Variants in UGT1A8 observed in about 807,000 individuals in gnomAD.
UGT1A8 encodes the protein UDP-glucuronosyltransferase 1A8.
In UGT1A8, 39 loss-of-function variants were observed where a neutral mutation model predicts 45.3. That is an observed-to-expected ratio of 0.86 (90% confidence interval 0.67 to 1.12). The LOEUF (loss-of-function observed/expected upper bound fraction) is 1.12, where lower values mean the gene tolerates loss of function less well. UGT1A8 is among the 50% of genes most tolerant of loss of function. The pLI, the probability that UGT1A8 is intolerant of heterozygous loss-of-function variation, is 0.00. For synonymous variants in UGT1A8, 275 were observed against 249.2 expected, an observed-to-expected ratio of 1.10 and a Z score of -0.97; for missense variants, 719 against 664.9, an observed-to-expected ratio of 1.08 and a Z score of -0.90.
chr2:233,690,803 T>G, intron 1 of UGT1A8: 2 of 1,096,684 alleles, frequency 1.8e-6, no homozygotes, highest in East Asian at 7.6e-5. Context: ...ACACACACCA[T>G]TCTTAGTACA....
At position 233,639,433 on chromosome 2, in the gene UGT1A8, C is replaced by T. The variant is rs868578267; in HGVS notation, c.855+20871C>T. 6.6e-5 allele frequency among the ~76,000 whole-genome samples: 10 copies of T among 152,140 alleles called. No individual in the cohort carries two copies. The South Asian group carries it at 8.3e-4, about 13-fold the overall frequency. On this transcript the variant is annotated intron_variant, in intron 1 of 4. Coordinates refer to ENST00000373450, the MANE Select transcript of UGT1A8 (RefSeq NM_019076.5). ...TAAAAGTAAATTGTCATCAAAAGAA[C>T]GATGAACACTGCATATTGCTCTTTC...
chr2:233,633,431 A>C (rs567567334), intron 1 of UGT1A8, among the ~76,000 whole-genome samples: 2 of 152,298 alleles, frequency 1.3e-5, no homozygotes, highest in African/African-American at 4.8e-5. Context: ...CTGTGAACTC[A>C]TCTGGTCCTG....
At chr2:233,630,201 C>G (rs1236960142) in intron 1 of UGT1A8, among the ~76,000 whole-genome samples, 4 of 152,010 alleles carry the variant, frequency 2.6e-5, no homozygotes, top group Admixed American at 6.6e-5. Flanking sequence ...AGATCACTGA[C>G]CATCATGTTT....
At chr2:233,744,499 T>C (rs751170063) in intron 1 of UGT1A8, among the ~76,000 whole-genome samples, 33 of 151,936 alleles carry the variant, frequency 2.2e-4, no homozygotes, top group Non-Finnish European at 4.0e-4. Context: ...TTAGTAAGAA[T>C]AAACCCATGA....
At chr2:233,618,726 A>C (rs779143079) in intron 1 of UGT1A8, among the ~76,000 whole-genome samples, 164 bp downstream of exon 1, 1 of 152,204 alleles carries the variant, frequency 6.6e-6, no homozygotes, top group Non-Finnish European at 1.5e-5. Context: ...CAGTTATCAA[A>C]TTTTATAAAA....
chr2:233,622,592 AT>A (rs1002907243), intron 1 of UGT1A8, among the ~76,000 whole-genome samples: 1 of 151,994 alleles, frequency 6.6e-6, no homozygotes, highest in Non-Finnish European at 1.5e-5. Context: ...ATTCTTGTAA[AT>A]TTTTTTGAGT....
chr2:233,621,107 A>G (rs2072995269), intron 1 of UGT1A8, among the ~76,000 whole-genome samples: 1 of 152,168 alleles, frequency 6.6e-6, no homozygotes, highest in Non-Finnish European at 1.5e-5. Flanking sequence ...AAATACTTTA[A>G]CAAAGATGGC....
chr2:233,738,553 G>C (rs890940493), intron 1 of UGT1A8, among the ~76,000 whole-genome samples: 2 of 152,228 alleles, frequency 1.3e-5, no homozygotes, highest in African/African-American at 2.4e-5. Context: ...CTCAGATAGA[G>C]ATGAGGAATC....
chr2:233,756,289 G>GTATT (rs914898578), intron 1 of UGT1A8: 1 of 152,128 alleles, frequency 6.6e-6, no homozygotes, highest in African/African-American at 2.4e-5. Context: ...AAATGACACA[G>GTATT]TATTTGTATA....
At chr2:233,717,863 T>C (rs1490310722) in intron 1 of UGT1A8, 3 of 454,794 alleles carry the variant, frequency 6.6e-6, no homozygotes, top group East Asian at 6.9e-5. Flanking sequence ...TGGTGCTGGA[T>C]TGACTTGGAG....
intron 1 of UGT1A8, chr2:233,713,393 T>C (rs780535548): frequency 4.3e-6 from 7 of 1,614,220 alleles, no homozygotes; most frequent in South Asian, 3.3e-5. Flanking sequence ...TACTGCATAA[T>C]GAGGCCCTGA....
At chr2:233,735,606 C>T (rs567993931) in intron 1 of UGT1A8, among the ~76,000 whole-genome samples, 14 of 152,270 alleles carry the variant, frequency 9.2e-5, no homozygotes, top group African/African-American at 2.6e-4. Context: ...TTCACAGCAT[C>T]GATAGTCTTT....
rs781726471 is a variant in UGT1A8 at position 233,672,803 on chromosome 2, C to T, written c.855+54241C>T. ...CCGTTGCCTATGGTAAGTTATCTCT[C>T]CTTTAGCACCTTAAGAATACTTCAC... On this transcript the variant is annotated intron_variant, in intron 1 of 4. Coordinates refer to ENST00000373450, the MANE Select transcript of UGT1A8 (RefSeq NM_019076.5). 3 of 1,607,532 alleles carry T rather than the reference C, an allele frequency of 1.9e-6. No individual in the cohort carries two copies. In the African/African-American group the frequency reaches 4.0e-5, roughly 22 times the overall value.
chr2:233,743,885 G>C (rs1351631369), intron 1 of UGT1A8: 1 of 1,366,928 alleles, frequency 7.3e-7, no homozygotes, highest in Non-Finnish European at 9.8e-7. Context: ...GGCCTGCCGG[G>C]GCACGTCCAG....
At chr2:233,690,978 C>T in intron 1 of UGT1A8, 7 of 999,584 alleles carry the variant, frequency 7.0e-6, no homozygotes, top group Non-Finnish European at 7.1e-6. Flanking sequence ...AGAACAGGAC[C>T]CACATATGAG....
intron 1 of UGT1A8, among the ~76,000 whole-genome samples, chr2:233,705,801 AATT>A (rs1432798810): frequency 6.6e-6 from 1 of 152,156 alleles, no homozygotes; most frequent in Non-Finnish European, 1.5e-5. Context: ...CTTGTTCAAA[AATT>A]ATTAAGAATT....
chr2:233,640,671 C>T (rs1185509229), intron 1 of UGT1A8, among the ~76,000 whole-genome samples: 1 of 152,120 alleles, frequency 6.6e-6, no homozygotes, highest in Non-Finnish European at 1.5e-5. Flanking sequence ...TGCTGTTCTT[C>T]CATAGTCCAA....
intron 1 of UGT1A8, among the ~76,000 whole-genome samples, chr2:233,696,236 A>T (rs1175700608): frequency 6.6e-6 from 1 of 152,236 alleles, no homozygotes; most frequent in Non-Finnish European, 1.5e-5. Context: ...CAAAATATGG[A>T]ATCAACCTAA....
chr2:233,743,431 C>G (rs755334550), intron 1 of UGT1A8: 1 of 1,354,434 alleles, frequency 7.4e-7, no homozygotes, highest in East Asian at 4.7e-5. Flanking sequence ...GCCAAAGGAA[C>G]GAAATCCTGT....
Sources: allele counts gnomAD v4.1 joint callset (sites outside exome capture counted in the v4.1 genomes callset), GRCh38; gene constraint gnomAD v4.1.1; transcripts MANE v1.5; gene names NCBI Gene and HGNC (gene_info 2026-07-23, HGNC 2026-07-21).